Variants in SDK1 observed in about 807,000 individuals in gnomAD.
The protein encoded by SDK1 is sidekick cell adhesion molecule 1.
In SDK1, 157 loss-of-function variants were observed where a neutral mutation model predicts 245.5. That is an observed-to-expected ratio of 0.64 (90% CI 0.56 to 0.73). The LOEUF is 0.73. Ranked by LOEUF, SDK1 falls within the 30% of genes least tolerant of loss-of-function variation. SDK1 has a pLI of 0.00. For synonymous variants in SDK1, 1,647 were observed against 1,278.5 expected (o/e 1.29, Z -6.15); for missense variants, 3,583 against 3,002.3 (o/e 1.19, Z -4.52).
chr7:3,622,683 G>A (rs776384942), intron 2 of SDK1, among the ~76,000 whole-genome samples: 2 of 152,102 alleles, frequency 1.3e-5, no homozygotes, highest in African/African-American at 4.8e-5. Context: ...AAGACAAAAC[G>A]TTGTTGGTTG....
At chr7:3,449,245 G>C (rs1052101502) in intron 1 of SDK1, among the ~76,000 whole-genome samples, 2 of 152,232 alleles carry the variant, frequency 1.3e-5, no homozygotes, top group African/African-American at 4.8e-5. Context: ...GCAAATTGCC[G>C]ATTTCACACT....
intron 4 of SDK1, among the ~76,000 whole-genome samples, chr7:3,747,334 G>A (rs1779655007): frequency 6.6e-6 from 1 of 152,222 alleles, no homozygotes; most frequent in African/African-American, 2.4e-5. Context: ...CACTGTCTGT[G>A]TGTACTTGTA....
At chr7:3,534,948 A>C (rs558378231) in intron 1 of SDK1, among the ~76,000 whole-genome samples, 10 of 152,102 alleles carry the variant, frequency 6.6e-5, no homozygotes, top group Non-Finnish European at 1.5e-4. Context: ...CATTTGCATA[A>C]TAAGATTAGG....
chr7:4,157,157 T>C (rs1366324890), intron 30 of SDK1, among the ~76,000 whole-genome samples: 1 of 152,054 alleles, frequency 6.6e-6, no homozygotes, highest in Admixed American at 6.5e-5. Flanking sequence ...ATCCCAGCAT[T>C]GTCTGCACGG....
chr7:3,826,916 C>G (rs547933433), intron 5 of SDK1, among the ~76,000 whole-genome samples: 1 of 152,200 alleles, frequency 6.6e-6, no homozygotes, highest in South Asian at 2.1e-4. Context: ...TAGCTGGTGG[C>G]TCCCAGCAAG....
intron 17 of SDK1, among the ~76,000 whole-genome samples, chr7:4,033,983 C>T (rs1788033503): frequency 6.6e-6 from 1 of 152,048 alleles, no homozygotes; most frequent in Non-Finnish European, 1.5e-5. Context: ...GTAACTCGAC[C>T]CTGGAGAAAC....
chr7:3,440,727 C>G (rs927288177), intron 1 of SDK1, among the ~76,000 whole-genome samples: 1 of 152,116 alleles, frequency 6.6e-6, no homozygotes, highest in African/African-American at 2.4e-5. Flanking sequence ...AGATTAAGAA[C>G]AAATCTATCC....
chr7:3,693,531 C>T (rs2114998488), intron 4 of SDK1, among the ~76,000 whole-genome samples: 1 of 152,270 alleles, frequency 6.6e-6, no homozygotes, highest in African/African-American at 2.4e-5. Context: ...CCATGCTTTT[C>T]TTTGTATCTT....
At chr7:3,831,319 T>A (rs897086294) in intron 5 of SDK1, among the ~76,000 whole-genome samples, 1 of 152,206 alleles carries the variant, frequency 6.6e-6, no homozygotes, top group Non-Finnish European at 1.5e-5. Flanking sequence ...TTAGTTACTT[T>A]CTAGACTAAA....
intron 5 of SDK1, among the ~76,000 whole-genome samples, chr7:3,927,532 G>A (rs1189692143): frequency 3.3e-5 from 5 of 152,180 alleles, no homozygotes; most frequent in Admixed American, 2.6e-4. Flanking sequence ...GCCAAGGCAG[G>A]ACTTAGACTT....
chr7:3,582,438 G>C (rs992638972), intron 1 of SDK1, among the ~76,000 whole-genome samples: 59 of 141,602 alleles, frequency 4.2e-4, no homozygotes, highest in African/African-American at 1.2e-3. Context: ...AGGTAGGTCT[G>C]TCTCAGGTAG....
intron 30 of SDK1, among the ~76,000 whole-genome samples, chr7:4,153,211 G>A (rs1274617770): frequency 2.6e-5 from 4 of 152,016 alleles, no homozygotes; most frequent in South Asian, 4.2e-4. Context: ...TCAGCACCAC[G>A]GCCCTAGCTC....
Position 3,973,573 on chromosome 7 carries a change from A to AT in SDK1, c.1818-786dup, listed in dbSNP as rs543163694. Reference sequence around the variant, plus strand: ...TAAGAAAGTGTGTTTTTGAAGGGTGATTTTTTTTTTCATGAGTTGGGCAAT... The same window carrying AT: ...TAAGAAAGTGTGTTTTTGAAGGGTGATTTTTTTTTTTCATGAGTTGGGCAAT... On this transcript the variant is annotated intron_variant, in intron 12 of 44. Coordinates refer to ENST00000404826, the MANE Select transcript of SDK1 (RefSeq NM_152744.4). Among the ~76,000 whole-genome samples, 469 of 150,292 alleles carry AT rather than the reference A, an allele frequency of 3.1e-3. 5 individuals carry two copies. The highest frequency in any genetic ancestry group is 4.9e-3 in the Non-Finnish European group (327 of 67,406).
intron 5 of SDK1, among the ~76,000 whole-genome samples, chr7:3,837,722 A>G (rs777822674): frequency 9.2e-5 from 14 of 152,210 alleles, no homozygotes; most frequent in African/African-American, 1.9e-4. Context: ...ACATGGAGCT[A>G]TTGAATACTT....
At position 3,666,152 on chromosome 7, in the gene SDK1, C is replaced by T. The variant is rs181714201; in HGVS notation, c.713+24047C>T. Among the ~76,000 whole-genome samples, 399 of 152,310 alleles carry T rather than the reference C, an allele frequency of 2.6e-3. 2 individuals carry two copies. Among genetic ancestry groups the T allele is most frequent in the Non-Finnish European group, 4.4e-3 (300 of 68,036 alleles). On this transcript the variant is annotated intron_variant, in intron 4 of 44. Coordinates refer to ENST00000404826, the MANE Select transcript of SDK1 (RefSeq NM_152744.4). ...AGATGTTTCTGAAGGTGGCATATGA[C>T]ACCCCCACCCCACTCACCTTTAAAA...
chr7:3,638,858 A>C (rs189509355), intron 2 of SDK1, 146 bp from the exon 3 acceptor site: 192 of 401,298 alleles, frequency 4.8e-4, no homozygotes, highest in African/African-American at 3.8e-3. Flanking sequence ...AGGATTGCAC[A>C]GATACTAGGT....
chr7:4,217,355 A>AACCAGGCCACCCGGAGC (rs1195733121), intron 38 of SDK1, among the ~76,000 whole-genome samples: 2 of 23,382 alleles, frequency 8.6e-5, no homozygotes, highest in East Asian at 2.3e-3. Flanking sequence ...CCACCCGGAG[A>AACCAGGCCACCCGGAGC]ACCAGGCCAC....
intron 22 of SDK1, among the ~76,000 whole-genome samples, chr7:4,105,767 C>T (rs567846601): frequency 4.5e-4 from 68 of 152,282 alleles, no homozygotes; most frequent in African/African-American, 1.4e-3. Flanking sequence ...CCGAAAGGCC[C>T]GGATGCTCTC....
At chr7:4,152,017 T>C (rs1240435174) in intron 30 of SDK1, among the ~76,000 whole-genome samples, 1 of 152,226 alleles carries the variant, frequency 6.6e-6, no homozygotes, top group Non-Finnish European at 1.5e-5. Context: ...CTCCCCTTAG[T>C]AGCTGCGTGG....
Sources: allele counts gnomAD v4.1 joint callset (sites outside exome capture counted in the v4.1 genomes callset), GRCh38; gene constraint gnomAD v4.1.1; transcripts MANE v1.5; gene names NCBI Gene and HGNC (gene_info 2026-07-23, HGNC 2026-07-21).